The following SLC2A11 variants were observed in gnomAD, a reference collection of about 807,000 sequenced individuals.
The protein encoded by SLC2A11 is solute carrier family 2 member 11, also known as solute carrier family 2, facilitated glucose transporter member 11.
SLC2A11 carries 43 observed loss-of-function variants against 52.1 expected under a neutral mutation model. That is an observed-to-expected ratio of 0.82 (90% CI 0.65 to 1.06). The LOEUF is 1.06. Ranked by LOEUF, SLC2A11 falls within the 50% of genes least tolerant of loss-of-function variation. SLC2A11 has a pLI of 0.00. For synonymous variants in SLC2A11, 261 were observed against 277.6 expected (o/e 0.94, Z 0.59); for missense variants, 582 against 654.2 (o/e 0.89, Z 1.20).
intron 3 of SLC2A11, chr22:23,870,140 C>A: frequency 1.5e-6 from 1 of 675,350 alleles, no homozygotes; most frequent in Non-Finnish European, 2.7e-6. Flanking sequence ...ATATCTGCAC[C>A]GTGGGGAGTA....
chr22:23,881,069 GTGCCAATTTAT>G (rs1405025964), intron 6 of SLC2A11: 14 of 151,034 alleles, frequency 9.3e-5, no homozygotes, highest in African/African-American at 2.7e-4. Context: ...CCAACTCCTG[GTGCCAATTTAT>G]TGATCAGCTT....
chr22:23,883,114 T>G, intron 8 of SLC2A11: 1 of 533,124 alleles, frequency 1.9e-6, no homozygotes, highest in East Asian at 3.6e-5. Context: ...TACAAAAAAT[T>G]ATCCCGGCGT....
chr22:23,877,358 T>C (rs2032650964), intron 5 of SLC2A11, 187 bp downstream of exon 5: 1 of 985,456 alleles, frequency 1.0e-6, no homozygotes, highest in Non-Finnish European at 1.6e-6. Flanking sequence ...CACTGCAATG[T>C]GAATCACCTT....
chr22:23,857,584 C>CCT, upstream of SLC2A11: 3 of 1,489,098 alleles, frequency 2.0e-6, no homozygotes, highest in Admixed American at 1.8e-5. Context: ...CAAACCCCCC[C>CCT]CCCGCGGCGG....
rs1432253684 is a variant in SLC2A11 at position 23,868,753 on chromosome 22, G to C, written c.290+112G>C. 9.2e-6 allele frequency: 12 copies of C among 1,306,902 alleles called. No homozygotes were observed. The East Asian group carries it at 2.9e-4, about 31-fold the overall frequency. 81.0% of individuals were successfully genotyped at this position (1,306,902 alleles called of 1,614,324 possible). On this transcript the variant is annotated intron_variant, in intron 3 of 11. Coordinates refer to ENST00000316185, the MANE Select transcript of SLC2A11 (RefSeq NM_001024939.4). ...CCCGGCAAGCTCCAGGCCCAGATCA[G>C]CTCCTCATCCAGCCTCTTACTCTGC...
In SLC2A11 at chr22:23,884,818, G is replaced by A. The variant is rs776728932; in HGVS notation, c.1469G>A (p.Ser490Asn). 1 of 1,614,184 alleles carries A rather than the reference G, an allele frequency of 6.2e-7. No homozygotes were observed. Among genetic ancestry groups the A allele is most frequent in the East Asian group, 2.2e-5 (1 of 44,878 alleles). ...CGGGCCCAGGGCCCCACGTGGAGGA[G>A]CCTGGAGGTTATCCAGTCAACAGAA... The part of the protein sequence containing the change: ...PRRAQGPTWR[S>N]LEVIQSTEL The change falls in exon 12 of 12, where the codon AGC becomes AAC. Residue 490 changes from serine to asparagine, a missense_variant. Coordinates refer to ENST00000316185, the MANE Select transcript of SLC2A11 (RefSeq NM_001024939.4). The surrounding 1 kb of genome is among the most constrained non-coding windows in gnomAD (Gnocchi z 4.3).
At chr22:23,858,316 A>C (rs1003924543) in intron 1 of SLC2A11, among the ~76,000 whole-genome samples, 2 of 152,136 alleles carry the variant, frequency 1.3e-5, no homozygotes, top group Non-Finnish European at 2.9e-5. Flanking sequence ...AGAGGCAGTA[A>C]GCCCTCCGAG....
At chr22:23,883,446 G>T in intron 8 of SLC2A11, 1 of 395,690 alleles carries the variant, frequency 2.5e-6, no homozygotes, top group Non-Finnish European at 4.5e-6. Context: ...ACTCCAGCGT[G>T]GGCTGGACCA....
chr22:23,866,674 T>TG (rs1184517517), intron 2 of SLC2A11: 1 of 152,510 alleles, frequency 6.6e-6, no homozygotes, highest in Admixed American at 6.5e-5. Context: ...CCCGGTGCTT[T>TG]GGGAGGCTGA....
At chr22:23,857,071 T>TGGGGGGGGGGGGGGGGGGG, upstream of SLC2A11, 1 of 301,260 alleles carries the variant, frequency 3.3e-6, no homozygotes, top group South Asian at 2.6e-5. Flanking sequence ...AGTGTGTGTG[T>TGGGGGGGGGGGGGGGGGGG]GTGGGGGGGG....
At position 23,884,504 on chromosome 22, in the gene SLC2A11, T is replaced by TTCC. The variant is rs903055764; in HGVS notation, c.1299+76_1299+78dup. 8.3e-6 allele frequency: 13 copies of TTCC among 1,570,504 alleles called. No individual in the cohort carries two copies. The African/African-American group carries it at 1.5e-4, about 18-fold the overall frequency. ...CATCCTGAGAACCCCAGGGGGAGGC[T>TTCC]TCCATCCAGGGAGACTGAGACTGAA... On this transcript the variant is annotated intron_variant, in intron 11 of 11. Transcript: ENST00000316185. The surrounding 1 kb of genome is among the most constrained non-coding windows in gnomAD (Gnocchi z 4.3).
At position 23,882,544 on chromosome 22, in the gene SLC2A11, T is replaced by TG. The variant is rs779710064; in HGVS notation, c.781dup (p.Ala261GlyfsTer33). On this transcript the variant is annotated frameshift_variant, in exon 7 of 12. Transcript: ENST00000316185. LOFTEE classifies it high-confidence loss of function. ...AGCGCGCTGCCTGCCAGGGCTGCCG[T>TG]GCCCGGCGCCCATGGGAGCTGTTCC... is the stretch of plus-strand genomic sequence containing the variant. 3 of 1,609,372 alleles carry TG rather than the reference T, an allele frequency of 1.9e-6. No homozygotes were observed. Among genetic ancestry groups the TG allele is most frequent in the South Asian group, 2.2e-5 (2 of 90,432 alleles).
chr22:23,857,350 G>C, upstream of SLC2A11: 1 of 1,379,710 alleles, frequency 7.2e-7, no homozygotes, highest in Non-Finnish European at 1.0e-6. Context: ...GTCGCTTGCT[G>C]GCACTTGCGA....
At chr22:23,863,608 G>GTTTTTT (rs71184923) in intron 2 of SLC2A11, among the ~76,000 whole-genome samples, 3 of 86,804 alleles carry the variant, frequency 3.5e-5, no homozygotes, top group African/African-American at 4.6e-5. Context: ...TCTCTCTCTG[G>GTTTTTT]TTTTTTTTTT....
rs114409399 is a variant in SLC2A11 at position 23,859,384 on chromosome 22, C to T, written c.30+1355C>T. The stretch of plus-strand genomic sequence containing the variant: ...GCCCTCCAGAGCCACTTCCTCTGCT[C>T]CCCCAGCCTCCAGTGCAGTATCTCA... On this transcript the variant is annotated intron_variant, in intron 1 of 11. Coordinates refer to ENST00000316185, the MANE Select transcript of SLC2A11 (RefSeq NM_001024939.4). 6.8e-3 allele frequency among the ~76,000 whole-genome samples: 1,033 copies of T among 152,368 alleles called. 12 individuals are homozygous for T. Among genetic ancestry groups the T allele is most frequent in the African/African-American group, 0.024 (995 of 41,584 alleles).
In SLC2A11 at chr22:23,859,785, G is replaced by A. The variant is rs115452730; in HGVS notation, c.30+1756G>A. On this transcript the variant is annotated intron_variant, in intron 1 of 11. Transcript: ENST00000316185. ...ATTGCAGGTGTGGGCCACGACATCC[G>A]GCCAACACTCAGTATTTGACTAATA... Among the ~76,000 whole-genome samples, 1,205 of 152,292 alleles carry A rather than the reference G, an allele frequency of 7.9e-3. 17 individuals are homozygous for A. Among genetic ancestry groups the A allele is most frequent in the African/African-American group, 0.027 (1,140 of 41,556 alleles).
intron 2 of SLC2A11, among the ~76,000 whole-genome samples, chr22:23,863,873 C>T (rs775799305): frequency 2.0e-4 from 31 of 151,950 alleles, no homozygotes; most frequent in Admixed American, 5.2e-4. Flanking sequence ...TGAAGTGGTC[C>T]GCCCACCTCG....
In SLC2A11 at chr22:23,885,059, A is replaced by C. The variant is rs6003939; in HGVS notation, c.*210A>C. The stretch of plus-strand genomic sequence containing the variant: ...AATTAACTGACAGAAAATCAGTAAC[A>C]ACATAATTACAGGCTGGTTGTGGCA... On this transcript the variant is annotated 3_prime_UTR_variant, in exon 12 of 12. Coordinates refer to ENST00000316185, the MANE Select transcript of SLC2A11 (RefSeq NM_001024939.4). 86,380 of 569,396 alleles carry C rather than the reference A, an allele frequency of 0.15. 6,891 individuals carry two copies. Among genetic ancestry groups the C allele is most frequent in the Admixed American group, 0.18 (5,611 of 30,580 alleles). The allele number at this position is 569,396 out of a possible 1,614,324, so 35.3% of individuals were successfully genotyped here.
In SLC2A11 at chr22:23,857,990, CCT is replaced by C; in HGVS notation, c.-7_-6del. On this transcript the variant is annotated 5_prime_UTR_variant, in exon 1 of 12. Coordinates refer to ENST00000316185, the MANE Select transcript of SLC2A11 (RefSeq NM_001024939.4). Reference sequence around the variant, plus strand: ...GGACAGCAAGACCTCCGCTCAGGCCCCTCTTTCGAATGCTCCACGCCCTCCTG... The same window carrying C: ...GGACAGCAAGACCTCCGCTCAGGCCCCTTTCGAATGCTCCACGCCCTCCTG... The C allele has an allele frequency of 6.3e-7, 1 of 1,591,294 alleles. No individual in the cohort carries two copies. Among genetic ancestry groups the C allele is most frequent in the Non-Finnish European group, 8.5e-7 (1 of 1,169,880 alleles).
Sources: gnomAD v4.1 joint callset for allele counts (sites outside exome capture counted in the v4.1 genomes callset) on GRCh38, gnomAD v4.1.1 for gene constraint, Gnocchi (gnomAD v3.1) non-coding constraint, MANE v1.5 for transcripts, NCBI Gene and HGNC (gene_info 2026-07-23, HGNC 2026-07-21) for gene names.